SSH2: variants seen among roughly 807,000 people sequenced by gnomAD.
The protein encoded by SSH2 is protein phosphatase Slingshot homolog 2.
A neutral mutation model predicts 135.2 loss-of-function variants in SSH2; 37 were observed. The ratio of observed to expected loss-of-function variants is 0.27; its 90% confidence interval spans 0.21 to 0.36. The LOEUF (loss-of-function observed/expected upper bound fraction) is 0.36. Among genes scored for constraint, SSH2 ranks in the 10% least tolerant of loss-of-function variants. The pLI, the probability that SSH2 is intolerant of heterozygous loss-of-function variation, is 1.00. For synonymous variants in SSH2, 628 were observed against 646.2 expected (o/e 0.97, Z 0.43); for missense variants, 1,408 against 1,765.3 (o/e 0.80, Z 3.63).
At chr17:29,851,800 G>A (rs1252258118) in intron 1 of SSH2, among the ~76,000 whole-genome samples, 3 of 151,978 alleles carry the variant, frequency 2.0e-5, no homozygotes, top group Non-Finnish European at 2.9e-5. Context: ...TTAGGAGTTC[G>A]AGGCTTCAAG....
chr17:29,847,108 T>C (rs2043144557), intron 2 of SSH2, among the ~76,000 whole-genome samples: 1 of 152,162 alleles, frequency 6.6e-6, no homozygotes, highest in African/African-American at 2.4e-5. Context: ...GTTTCTAAAC[T>C]TCAGTTTGAT....
chr17:29,826,386 T>C (rs776747447), intron 2 of SSH2, among the ~76,000 whole-genome samples: 2 of 152,132 alleles, frequency 1.3e-5, no homozygotes, highest in Non-Finnish European at 2.9e-5. Flanking sequence ...CCTACCAGTA[T>C]GGAGAAGGAG....
chr17:29,832,643 C>T lies in SSH2; in HGVS notation c.144+16206G>A. Among the ~76,000 whole-genome samples, 2 of 152,006 alleles carry T rather than the reference C, an allele frequency of 1.3e-5. 1 individual carries two copies. The highest frequency in any genetic ancestry group is 2.9e-5 in the Non-Finnish European group (2 of 67,972). ...TATTCCATTGTGGTCAGAGAAGATA[C>T]TTGATTTCAATTTTTTTTGGTTTTC... is the stretch of plus-strand genomic sequence containing the variant. On this transcript the variant is annotated intron_variant, in intron 2 of 15. Transcript: ENST00000540801.
chr17:29,879,109 G>A (rs2066089427), intron 1 of SSH2, among the ~76,000 whole-genome samples: 1 of 152,028 alleles, frequency 6.6e-6, no homozygotes, highest in Non-Finnish European at 1.5e-5. Flanking sequence ...AAATTCCATG[G>A]TAAAAAGTCC....
At chr17:29,808,433 G>A (rs2042385566) in intron 2 of SSH2, among the ~76,000 whole-genome samples, 1 of 152,066 alleles carries the variant, frequency 6.6e-6, no homozygotes, top group Non-Finnish European at 1.5e-5. Context: ...CCGGCCTAAC[G>A]TGCTTCTTAA....
intron 5 of SSH2, among the ~76,000 whole-genome samples, chr17:29,689,325 A>G (rs2038366260): frequency 6.6e-6 from 1 of 152,224 alleles, no homozygotes; most frequent in Non-Finnish European, 1.5e-5. Flanking sequence ...TTATTAACAC[A>G]ATCAAATAAA....
At chr17:29,901,143 G>T (rs955026957) in intron 1 of SSH2, among the ~76,000 whole-genome samples, 29 of 152,086 alleles carry the variant, frequency 1.9e-4, no homozygotes, top group African/African-American at 6.5e-4. Context: ...TTGGGGGGAG[G>T]GGAGAGGGAT....
chr17:29,848,661 T>G lies in SSH2; in HGVS notation c.144+188A>C, dbSNP rs867065623. On this transcript the variant is annotated intron_variant, in intron 2 of 15. Coordinates refer to ENST00000540801, the MANE Select transcript of SSH2 (RefSeq NM_001282129.2). ...GGTCATTGCCATGGCATTATGCATA[T>G]AAATGTACCATACTGTTTATATATA... Among the ~76,000 whole-genome samples, 7 of 152,318 alleles carry G rather than the reference T, an allele frequency of 4.6e-5. No homozygotes were observed. The South Asian group carries it at 1.4e-3, about 32-fold the overall frequency.
At chr17:29,908,983 A>C (rs1332768491) in intron 1 of SSH2, among the ~76,000 whole-genome samples, 1 of 151,818 alleles carries the variant, frequency 6.6e-6, no homozygotes, top group Non-Finnish European at 1.5e-5. Flanking sequence ...AGGCTGAGGC[A>C]GGAGAATGGT....
At chr17:29,808,846 T>C (rs2042393637) in intron 2 of SSH2, among the ~76,000 whole-genome samples, 1 of 152,152 alleles carries the variant, frequency 6.6e-6, no homozygotes, top group Non-Finnish European at 1.5e-5. Context: ...ACAAGGTGAA[T>C]GATAACAACT....
At chr17:29,675,005 C>T (rs772970654) in intron 8 of SSH2, among the ~76,000 whole-genome samples, 1 of 152,162 alleles carries the variant, frequency 6.6e-6, no homozygotes, top group Non-Finnish European at 1.5e-5. Context: ...CCAAAATATA[C>T]CTGAAAATGC....
chr17:29,799,544 T>C (rs765350986), intron 2 of SSH2, among the ~76,000 whole-genome samples: 2 of 152,234 alleles, frequency 1.3e-5, no homozygotes, highest in Admixed American at 6.5e-5. Context: ...CATCCTTTCA[T>C]AGGTTTATGG....
chr17:29,834,231 AT>A (rs1230459877), intron 2 of SSH2, among the ~76,000 whole-genome samples: 2 of 152,132 alleles, frequency 1.3e-5, no homozygotes. Flanking sequence ...TTTGAAAAAA[AT>A]ATTCAATAGT....
chr17:29,759,173 CTA>C (rs1455532075), intron 3 of SSH2, among the ~76,000 whole-genome samples: 3 of 152,198 alleles, frequency 2.0e-5, no homozygotes, highest in Non-Finnish European at 4.4e-5. Context: ...GTAGCTGAGA[CTA>C]TAGGCATGCG....
chr17:29,696,995 A>T (rs1339084450), intron 4 of SSH2, among the ~76,000 whole-genome samples: 1 of 151,962 alleles, frequency 6.6e-6, no homozygotes, highest in Admixed American at 6.6e-5. Context: ...ATGAGAGTAT[A>T]TATTAAGTAT....
At chr17:29,716,953 C>T (rs943344750) in intron 3 of SSH2, among the ~76,000 whole-genome samples, 3 of 152,054 alleles carry the variant, frequency 2.0e-5, no homozygotes, top group East Asian at 1.9e-4. Flanking sequence ...TAATGTGTAC[C>T]GGCAAATCAC....
intron 1 of SSH2, among the ~76,000 whole-genome samples, chr17:29,859,625 G>T (rs2065725538): frequency 6.6e-6 from 1 of 152,064 alleles, no homozygotes; most frequent in Non-Finnish European, 1.5e-5. Flanking sequence ...ACATAATCTT[G>T]TTCTTTTTTA....
At chr17:29,761,882 TATATA>T (rs1210569700) in intron 3 of SSH2, among the ~76,000 whole-genome samples, 3 of 136,618 alleles carry the variant, frequency 2.2e-5, no homozygotes, top group African/African-American at 2.7e-5. Flanking sequence ...TATATATATA[TATATA>T]TTTTTTTTTG....
At chr17:29,811,105 A>G (rs2042433845) in intron 2 of SSH2, among the ~76,000 whole-genome samples, 1 of 151,932 alleles carries the variant, frequency 6.6e-6, no homozygotes, top group Non-Finnish European at 1.5e-5. Context: ...AAGCGATTCT[A>G]CTGCTTCAGC....
Sources: gnomAD v4.1 joint callset for allele counts (sites outside exome capture counted in the v4.1 genomes callset) on GRCh38, gnomAD v4.1.1 for gene constraint, MANE v1.5 for transcripts, NCBI Gene and HGNC (gene_info 2026-07-23, HGNC 2026-07-21) for gene names.